Variants in STK32A observed in about 807,000 individuals in gnomAD.
STK32A encodes the protein serine/threonine kinase 32A, also known as serine/threonine-protein kinase 32A.
Under a neutral mutation model 53.2 loss-of-function variants are expected in STK32A, and 41 were observed. The observed-to-expected ratio is 0.77, with a 90% CI of 0.60 to 1.00. The LOEUF (loss-of-function observed/expected upper bound fraction) is 1.00, where lower values mean the gene tolerates loss of function less well. STK32A is among the 50% of genes least tolerant of loss of function. STK32A has a pLI of 0.00. For synonymous variants in STK32A, 166 were observed against 162.8 expected, an observed-to-expected ratio of 1.02 and a Z score of -0.15; for missense variants, 458 against 485.8, an observed-to-expected ratio of 0.94 and a Z score of 0.54.
intron 10 of STK32A, 102 bp from the exon 11 acceptor site, chr5:147,374,988 G>C: frequency 9.5e-7 from 1 of 1,054,182 alleles, no homozygotes. Flanking sequence ...ATTATTCATG[G>C]ACTGCTCCGT....
intron 2 of STK32A, among the ~76,000 whole-genome samples, chr5:147,249,311 T>G (rs1336876809): frequency 6.6e-6 from 1 of 152,160 alleles, no homozygotes; most frequent in Admixed American, 6.5e-5. Context: ...TGTCTCATAG[T>G]TTTTGTGAGA....
chr5:147,376,240 A>T (rs1424194840), intron 11 of STK32A, among the ~76,000 whole-genome samples: 3 of 152,166 alleles, frequency 2.0e-5, no homozygotes, highest in African/African-American at 7.2e-5. Context: ...TTGATCACAG[A>T]ACTGGCTTCT....
chr5:147,400,559 C>G, the STK32A span: 1 of 1,251,558 alleles, frequency 8.0e-7, no homozygotes, highest in Non-Finnish European at 1.1e-6. Flanking sequence ...CCACATGGTT[C>G]CAGAGACATC....
chr5:147,321,566 G>A (rs1206357353), intron 4 of STK32A, among the ~76,000 whole-genome samples: 2 of 152,104 alleles, frequency 1.3e-5, no homozygotes, highest in Admixed American at 6.6e-5. Flanking sequence ...CTGCACATTC[G>A]AACACTGTTA....
At chr5:147,342,711 C>T (rs987152469) in intron 5 of STK32A, 2 of 385,740 alleles carry the variant, frequency 5.2e-6, no homozygotes, top group African/African-American at 4.0e-5. Flanking sequence ...TGCTTAGATA[C>T]AACATGCTAT....
rs1755657307 is a variant in STK32A at position 147,345,810 on chromosome 5, C to G, written c.472+2767C>G. On this transcript the variant is annotated intron_variant, in intron 6 of 12. Transcript: ENST00000397936. ...TTACCTGGTGTCTTATTTACAATGA[C>G]TGCTTTCATTCTCAAGGCTTTTTAA... is the stretch of plus-strand genomic sequence containing the variant. Among the ~76,000 whole-genome samples, 3 of 152,162 alleles carry G rather than the reference C, an allele frequency of 2.0e-5. No homozygotes were observed. In the South Asian group the frequency reaches 6.2e-4, roughly 32 times the overall value.
intron 4 of STK32A, among the ~76,000 whole-genome samples, chr5:147,321,187 G>A (rs931474577): frequency 2.0e-5 from 3 of 152,200 alleles, no homozygotes; most frequent in Non-Finnish European, 2.9e-5. Flanking sequence ...AAATAAGTAA[G>A]CCATGATAAC....
the STK32A span, chr5:147,401,706 G>A: frequency 1.9e-6 from 3 of 1,613,894 alleles, no homozygotes; most frequent in South Asian, 3.3e-5. Flanking sequence ...CCTAGAAGGG[G>A]CAGGAAACAG....
At chr5:147,365,531 G>C (rs1373586767) in intron 8 of STK32A, among the ~76,000 whole-genome samples, 1 of 151,706 alleles carries the variant, frequency 6.6e-6, no homozygotes, top group Non-Finnish European at 1.5e-5. Context: ...CAGTGAACAA[G>C]TAGATACGCT....
chr5:147,330,012 T>C (rs928734689), intron 5 of STK32A, among the ~76,000 whole-genome samples: 2 of 152,236 alleles, frequency 1.3e-5, no homozygotes, highest in East Asian at 1.9e-4. Context: ...CTGGTCTGCC[T>C]TTCCACTATG....
At chr5:147,250,005 G>A (rs1421329946) in intron 2 of STK32A, among the ~76,000 whole-genome samples, 3 of 151,324 alleles carry the variant, frequency 2.0e-5, no homozygotes, top group African/African-American at 7.3e-5. Flanking sequence ...ACGGAAAGCT[G>A]AGAGTTTATT....
intron 6 of STK32A, among the ~76,000 whole-genome samples, chr5:147,350,176 C>T (rs1755899395): frequency 7.9e-6 from 1 of 126,130 alleles, no homozygotes; most frequent in Non-Finnish European, 1.6e-5. Context: ...ACCCACCGCC[C>T]CCCGCTATCC....
chr5:147,288,084 C>A (rs1752428157), intron 4 of STK32A, among the ~76,000 whole-genome samples: 1 of 152,180 alleles, frequency 6.6e-6, no homozygotes. Flanking sequence ...CTGGTGATAA[C>A]ATGACATATA....
intron 2 of STK32A, among the ~76,000 whole-genome samples, chr5:147,276,323 A>G (rs560980918): frequency 5.9e-5 from 9 of 152,340 alleles, no homozygotes; most frequent in African/African-American, 2.2e-4. Flanking sequence ...TGAAATGGAA[A>G]CAACAGTTTC....
chr5:147,385,435 G>A lies in STK32A; in HGVS notation c.*1452G>A, dbSNP rs577355721. ...ATTACAGGCGTGAGCCACCAAACCT[G>A]GCCTTAGAATTACTCTTAGAACAGT... On this transcript the variant is annotated 3_prime_UTR_variant, in exon 13 of 13. Transcript: ENST00000397936. 6.6e-6 allele frequency: 1 copy of A among 152,208 alleles called. No individual in the cohort carries two copies. The highest frequency in any genetic ancestry group is 2.4e-5 in the African/African-American group (1 of 41,524). 9.4% of individuals were successfully genotyped at this position (152,208 alleles called of 1,614,324 possible).
At chr5:147,388,035 T>G (rs933669398), downstream of STK32A, among the ~76,000 whole-genome samples, 3 of 152,194 alleles carry the variant, frequency 2.0e-5, no homozygotes, top group Admixed American at 1.3e-4. Flanking sequence ...AACTATGGAA[T>G]GCAGTATAGC....
intron 8 of STK32A, 73 bp downstream of exon 8, chr5:147,361,687 T>G: frequency 3.9e-6 from 4 of 1,037,602 alleles, no homozygotes; most frequent in Non-Finnish European, 4.4e-6. Context: ...ATGTATTGTT[T>G]GCTAAGATCC....
At chr5:147,282,227 G>GC (rs1347801231) in intron 4 of STK32A, among the ~76,000 whole-genome samples, 1 of 152,054 alleles carries the variant, frequency 6.6e-6, no homozygotes, top group Non-Finnish European at 1.5e-5. Flanking sequence ...AAAAAAATCT[G>GC]CAGGACCCAG....
At chr5:147,357,510 T>C (rs1352412266) in intron 7 of STK32A, among the ~76,000 whole-genome samples, 3 of 152,114 alleles carry the variant, frequency 2.0e-5, no homozygotes. Flanking sequence ...TATGAAATCC[T>C]AGGGTATCAT....
Sources: allele counts gnomAD v4.1 joint callset (sites outside exome capture counted in the v4.1 genomes callset), GRCh38; gene constraint gnomAD v4.1.1; transcripts MANE v1.5; gene names NCBI Gene and HGNC (gene_info 2026-07-23, HGNC 2026-07-21).